Variants in ITGB2 observed in about 807,000 individuals in gnomAD.
The protein encoded by ITGB2 is integrin beta-2.
ITGB2 carries 56 observed loss-of-function variants against 86.8 expected under a neutral mutation model. The ratio of observed to expected loss-of-function variants is 0.65; its 90% CI spans 0.52 to 0.81. ITGB2 has a LOEUF of 0.81. ITGB2 is among the 30% of genes least tolerant of loss of function. The pLI is 0.00. For missense variants in ITGB2, 948 were observed against 1,061.2 expected, an observed-to-expected ratio of 0.89 and a Z score of 1.48; for synonymous variants, 457 against 450.4, an observed-to-expected ratio of 1.01 and a Z score of -0.19.
Position 44,900,912 on chromosome 21 carries a change from G to A in ITGB2, c.742-437C>T, listed in dbSNP as rs140328608. Among the ~76,000 whole-genome samples, 1,362 of 152,342 alleles carry A rather than the reference G, an allele frequency of 8.9e-3. 17 individuals are homozygous for A. The highest frequency in any genetic ancestry group is 0.044 in the Middle Eastern group (13 of 294). On this transcript the variant is annotated intron_variant, in intron 6 of 15. Transcript: ENST00000652462. ...CAGCCCCTGGCAGGCGCATGTGGGG[G>A]CCGTGCGTGTCCTAGGCTGTGACCT... is the stretch of plus-strand genomic sequence containing the variant.
chr21:44,892,061 C>A (rs2083793597), intron 10 of ITGB2, 65 bp from the exon 11 acceptor site: 5 of 1,521,226 alleles, frequency 3.3e-6, no homozygotes, highest in Middle Eastern at 2.0e-4. Context: ...CAGCTCCCAA[C>A]CCTCACCTCC....
chr21:44,922,545 G>A (rs575892023), upstream of ITGB2, among the ~76,000 whole-genome samples: 4 of 151,498 alleles, frequency 2.6e-5, no homozygotes, highest in South Asian at 2.1e-4. Flanking sequence ...ATGGTAGCAC[G>A]CGATATGGTC....
chr21:44,917,276 C>T (rs914776054), intron 1 of ITGB2, among the ~76,000 whole-genome samples: 1 of 152,156 alleles, frequency 6.6e-6, no homozygotes, highest in African/African-American at 2.4e-5. Context: ...CTGCTCAGGG[C>T]AGCTTGGCTT....
intron 3 of ITGB2, among the ~76,000 whole-genome samples, chr21:44,907,431 GC>G (rs563559332): frequency 7.2e-4 from 109 of 152,372 alleles, no homozygotes; most frequent in African/African-American, 2.4e-3. Context: ...GGGGCTTCAA[GC>G]CCTTCATCAG....
chr21:44,928,403 C>T (rs2084402760), intron 1 of ITGB2: 1 of 152,296 alleles, frequency 6.6e-6, no homozygotes, highest in Non-Finnish European at 1.5e-5. Context: ...TCCACATGGC[C>T]CAGCAGTGAA....
intron 8 of ITGB2, among the ~76,000 whole-genome samples, chr21:44,898,485 G>A (rs1450267377): frequency 6.6e-6 from 1 of 152,190 alleles, no homozygotes; most frequent in African/African-American, 2.4e-5. Context: ...GCAAATCACT[G>A]ATCCTGAGAA....
At chr21:44,907,912 A>G in intron 3 of ITGB2, 1 of 591,420 alleles carries the variant, frequency 1.7e-6, no homozygotes, top group South Asian at 2.1e-5. Context: ...TCCTCCAGAA[A>G]TAAAAGTACA....
upstream of ITGB2, among the ~76,000 whole-genome samples, chr21:44,925,231 T>C (rs2084356624): frequency 1.3e-5 from 2 of 151,578 alleles, no homozygotes; most frequent in South Asian, 2.1e-4. Flanking sequence ...TAGATTGTGG[T>C]GATGATTGCA....
At chr21:44,892,018 AGGTGGGGACCCTCGGTGGCCAG>A in intron 10 of ITGB2, 22 bp from the exon 11 acceptor site, 1 of 1,608,402 alleles carries the variant, frequency 6.2e-7, no homozygotes. Flanking sequence ...TGCTGGGCTC[AGGTGGGGACCCTCGGTGGCCAG>A]GGTGGCAGCC....
intron 1 of ITGB2, among the ~76,000 whole-genome samples, chr21:44,913,306 G>A (rs28619388): frequency 0.22 from 32,741 of 152,092 alleles, 3,749 homozygotes; most frequent in South Asian, 0.36. Flanking sequence ...TAACACAGTC[G>A]TGACCAGTGG....
At chr21:44,921,608 A>C (rs1306132689), upstream of ITGB2, among the ~76,000 whole-genome samples, 1 of 152,118 alleles carries the variant, frequency 6.6e-6, no homozygotes, top group Non-Finnish European at 1.5e-5. Context: ...GAGGAGGAGG[A>C]AGAGGAGGGA....
At chr21:44,927,369 G>A (rs2084385954) in intron 1 of ITGB2, among the ~76,000 whole-genome samples, 1 of 152,102 alleles carries the variant, frequency 6.6e-6, no homozygotes, top group Non-Finnish European at 1.5e-5. Flanking sequence ...AGTCTAACCA[G>A]CCCTGGAGAC....
intron 7 of ITGB2, among the ~76,000 whole-genome samples, chr21:44,899,983 C>T (rs1036119518): frequency 1.9e-4 from 29 of 152,244 alleles, no homozygotes; most frequent in East Asian, 7.7e-4. Context: ...GAGGCGGGGA[C>T]GGCAGGGTGC....
At chr21:44,904,503 C>T (rs1370943883) in intron 4 of ITGB2, among the ~76,000 whole-genome samples, 1 of 151,864 alleles carries the variant, frequency 6.6e-6, no homozygotes, top group African/African-American at 2.4e-5. Context: ...TATGCACACA[C>T]ACCACAAACA....
Position 44,908,873 on chromosome 21 carries a change from G to A in ITGB2, c.147+1411C>T, listed in dbSNP as rs569872271. On this transcript the variant is annotated intron_variant, in intron 3 of 15. Coordinates refer to ENST00000652462, the MANE Select transcript of ITGB2 (RefSeq NM_000211.5). ...AAGAAAGTGCTCAGAACGGTAGAACGGGGATGCATGGACAGGACACGCAGC... is the reference window on the plus strand; with the variant it reads ...AAGAAAGTGCTCAGAACGGTAGAACAGGGATGCATGGACAGGACACGCAGC... Among the ~76,000 whole-genome samples, 23 of 152,328 alleles carry A rather than the reference G, an allele frequency of 1.5e-4. No individual in the cohort carries two copies. In the South Asian group the frequency reaches 4.4e-3, roughly 29 times the overall value.
chr21:44,889,796 G>C (rs548310536), intron 12 of ITGB2, among the ~76,000 whole-genome samples, 182 bp downstream of exon 12: 5 of 152,336 alleles, frequency 3.3e-5, no homozygotes, highest in African/African-American at 1.2e-4. Flanking sequence ...AGAAACTGAG[G>C]CAGGGCGGGG....
In ITGB2 at chr21:44,900,387, G is replaced by A. The variant is rs2083934212; in HGVS notation, c.830C>T (p.Ala277Val). Residue 277 changes from alanine to valine, a missense_variant, in exon 7 of 16, where the codon GCC (alanine) becomes GTC (valine). Ala to Val is a moderately conservative substitution (Grantham distance 64). Coordinates refer to ENST00000652462, the MANE Select transcript of ITGB2 (RefSeq NM_000211.5). ...FHFAGDGKLG[A>V]ILTPNDGRCH... is the part of the protein sequence containing the mutation. ...GCGGCCGTCGTTGGGGGTCAGGATG[G>A]CGCCCAGCTTCCCGTCGCCCGCGAA... 1 of 1,614,160 alleles carries A rather than the reference G, an allele frequency of 6.2e-7. No individual in the cohort carries two copies. Among genetic ancestry groups the A allele is most frequent in the Non-Finnish European group, 8.5e-7 (1 of 1,180,002 alleles).
Position 44,886,811 on chromosome 21 carries a change from C to T in ITGB2, c.2172G>A (p.Lys724=), listed in dbSNP as rs750002294. The T allele has an allele frequency of 9.9e-6, 16 of 1,613,904 alleles. 1 individual carries two copies. Among genetic ancestry groups the T allele is most frequent in the Non-Finnish European group, 1.4e-5 (16 of 1,180,038 alleles). The change falls in exon 15 of 16, where the codon AAG becomes AAA. Residue 724 remains lysine, a synonymous_variant. Coordinates refer to ENST00000652462, the MANE Select transcript of ITGB2 (RefSeq NM_000211.5). ...GGAGGTCGCTCAGGTGGATCAGAGC[C>T]TTCCAGATGACCAGCAGGAGAATGC... is the stretch of plus-strand genomic sequence containing the variant. ...LIGILLLVIW[K]ALIHLSDLRE... is the part of the protein sequence containing the mutation.
chr21:44,899,044 G>T, intron 8 of ITGB2, 23 bp downstream of exon 8: 1 of 1,581,402 alleles, frequency 6.3e-7, no homozygotes, highest in Non-Finnish European at 8.7e-7. Context: ...CCCAATGGAT[G>T]CTCGGGACCC....
Sources: gnomAD v4.1 joint callset for allele counts (sites outside exome capture counted in the v4.1 genomes callset) on GRCh38, gnomAD v4.1.1 for gene constraint, MANE v1.5 for transcripts, NCBI Gene and HGNC (gene_info 2026-07-23, HGNC 2026-07-21) for gene names.